The following CTNNA1 variants were observed in gnomAD, a reference collection of about 807,000 sequenced individuals.
The protein encoded by CTNNA1 is catenin alpha 1.
In CTNNA1, 37 loss-of-function variants were observed where a neutral mutation model predicts 98.4. That is an observed-to-expected ratio of 0.38 (90% confidence interval 0.29 to 0.49). The LOEUF is 0.49. Among genes scored for constraint, CTNNA1 ranks in the 20% least tolerant of loss-of-function variants. The pLI, the probability that CTNNA1 is intolerant of heterozygous loss-of-function variation, is 0.95. For synonymous variants in CTNNA1, 404 were observed against 413.2 expected (o/e 0.98, Z 0.27); for missense variants, 761 against 1,147.2 (o/e 0.66, Z 4.86).
intron 7 of CTNNA1, among the ~76,000 whole-genome samples, chr5:138,856,420 C>CA (rs1428872724): frequency 6.6e-6 from 1 of 152,016 alleles, no homozygotes; most frequent in Non-Finnish European, 1.5e-5. Context: ...CATAGCTTAC[C>CA]AAAGTTTTAA....
At chr5:138,786,367 T>A (rs923602198) in intron 3 of CTNNA1, among the ~76,000 whole-genome samples, 1 of 152,224 alleles carries the variant, frequency 6.6e-6, no homozygotes, top group African/African-American at 2.4e-5. Context: ...TACAAAAATA[T>A]GAAGCACAGA....
In CTNNA1 at chr5:138,770,671, C is replaced by T. The variant is rs71596588; in HGVS notation, c.-2-11252C>T. Among the ~76,000 whole-genome samples the T allele has an allele frequency of 5.9e-3, 900 of 152,230 alleles. 13 individuals are homozygous for T. Among genetic ancestry groups the T allele is most frequent in the South Asian group, 0.026 (124 of 4,808 alleles). On this transcript the variant is annotated intron_variant, in intron 1 of 17. Transcript: ENST00000302763. ...AGATGTTGTCAAGACAGAAAGACCTCGCCGGGCGCGGTGGCTCATGCCTTT... is the reference window on the plus strand; with the variant it reads ...AGATGTTGTCAAGACAGAAAGACCTTGCCGGGCGCGGTGGCTCATGCCTTT...
chr5:138,887,342 C>T (rs1222993383), intron 8 of CTNNA1, 148 bp from the exon 9 acceptor site: 2 of 543,804 alleles, frequency 3.7e-6, no homozygotes, highest in Admixed American at 7.4e-5. Flanking sequence ...GATTATGTAA[C>T]TGCATGGCTT....
intron 7 of CTNNA1, 85 bp downstream of exon 7, chr5:138,827,803 A>G (rs973372180): frequency 6.0e-6 from 9 of 1,511,854 alleles, no homozygotes; most frequent in African/African-American, 2.7e-5. Context: ...TGTTTTCACT[A>G]TAAATACCAA....
chr5:138,801,830 A>G (rs529760629), intron 3 of CTNNA1, among the ~76,000 whole-genome samples: 1 of 152,332 alleles, frequency 6.6e-6, no homozygotes, highest in South Asian at 2.1e-4. Flanking sequence ...TTGAAATTTG[A>G]TTAGAATATA....
At chr5:138,903,984 C>T (rs1236684918) in intron 9 of CTNNA1, among the ~76,000 whole-genome samples, 1 of 152,222 alleles carries the variant, frequency 6.6e-6, no homozygotes, top group African/African-American at 2.4e-5. Flanking sequence ...AACAACAGTT[C>T]TTTCCTGATG....
chr5:138,861,577 C>T (rs530817102), intron 7 of CTNNA1, among the ~76,000 whole-genome samples: 1 of 152,254 alleles, frequency 6.6e-6, no homozygotes, highest in South Asian at 2.1e-4. Context: ...ATTCACATTC[C>T]CCACTCCCAA....
Position 138,874,809 on chromosome 5 carries a change from T to C in CTNNA1, c.1063-11403T>C. The C allele has an allele frequency of 8.2e-7, 1 of 1,212,730 alleles. No individual in the cohort carries two copies. 75.1% of individuals were successfully genotyped at this position (1,212,730 alleles called of 1,614,324 possible). A position where few individuals can be genotyped will look rare whatever the true frequency, so the allele number is the denominator to read the frequency against. ...TTTACCTAAACCTCAAAATCCAAAATATGATGGTGATTTCCCTCATAAAAT... is the reference window on the plus strand; with the variant it reads ...TTTACCTAAACCTCAAAATCCAAAACATGATGGTGATTTCCCTCATAAAAT... On this transcript the variant is annotated intron_variant, in intron 7 of 17. Coordinates refer to ENST00000302763, the MANE Select transcript of CTNNA1 (RefSeq NM_001903.5). This position sits in a 1 kb window ranked among gnomAD's most constrained non-coding sequence, Gnocchi z 4.1.
chr5:138,773,010 T>A (rs1753717199), intron 1 of CTNNA1, among the ~76,000 whole-genome samples: 1 of 152,260 alleles, frequency 6.6e-6, no homozygotes, highest in Admixed American at 6.5e-5. Flanking sequence ...AAAGGTGAAG[T>A]GACTTAATCA....
chr5:138,870,518 C>G (rs1765242109), intron 7 of CTNNA1: 1 of 152,136 alleles, frequency 6.6e-6, no homozygotes, highest in African/African-American at 2.4e-5. Flanking sequence ...GCTGGCTTTT[C>G]CAATTTGCTT....
At chr5:138,846,422 A>G (rs949756064) in intron 7 of CTNNA1, among the ~76,000 whole-genome samples, 7 of 152,224 alleles carry the variant, frequency 4.6e-5, no homozygotes, top group Admixed American at 1.3e-4. Flanking sequence ...TAATTATCTT[A>G]TATATTTGTA....
chr5:138,778,226 A>C (rs1174915668), intron 1 of CTNNA1, among the ~76,000 whole-genome samples: 3 of 151,596 alleles, frequency 2.0e-5, no homozygotes, highest in African/African-American at 7.3e-5. Context: ...GATCTCCTGA[A>C]CTCGTGATCC....
chr5:138,862,508 A>G (rs1362076841), intron 7 of CTNNA1, among the ~76,000 whole-genome samples: 3 of 152,188 alleles, frequency 2.0e-5, no homozygotes, highest in East Asian at 1.9e-4. Flanking sequence ...TTGTTGTCCT[A>G]TATAATTTTA....
chr5:138,931,535 A>C, intron 16 of CTNNA1: 1 of 942,208 alleles, frequency 1.1e-6, no homozygotes, highest in Non-Finnish European at 1.3e-6. Flanking sequence ...TCCTTACACA[A>C]GCCAAAGATT....
At chr5:138,790,309 T>G (rs1157651762) in intron 3 of CTNNA1, among the ~76,000 whole-genome samples, 1 of 152,256 alleles carries the variant, frequency 6.6e-6, no homozygotes, top group Non-Finnish European at 1.5e-5. Flanking sequence ...TTCCTGTGAC[T>G]TGAGGCATTT....
chr5:138,902,574 C>A (rs933014092), intron 9 of CTNNA1, among the ~76,000 whole-genome samples: 3 of 152,218 alleles, frequency 2.0e-5, no homozygotes, highest in African/African-American at 7.2e-5. Flanking sequence ...CGCCTGCCAC[C>A]ACGCCCGGCT....
At chr5:138,898,733 C>G (rs934818963) in intron 9 of CTNNA1, among the ~76,000 whole-genome samples, 1 of 152,290 alleles carries the variant, frequency 6.6e-6, no homozygotes, top group Middle Eastern at 3.4e-3. Context: ...GAAAAACATT[C>G]AGCCATTATC....
chr5:138,817,968 C>T (rs1220820394), intron 5 of CTNNA1, among the ~76,000 whole-genome samples: 1 of 151,018 alleles, frequency 6.6e-6, no homozygotes, highest in East Asian at 2.0e-4. Context: ...CTCATTGCAA[C>T]CTCCACCTCC....
chr5:138,919,559 T>A (rs1159609578), intron 11 of CTNNA1, among the ~76,000 whole-genome samples: 1 of 152,240 alleles, frequency 6.6e-6, no homozygotes, highest in East Asian at 1.9e-4. Flanking sequence ...GAAATCAAAT[T>A]CTTTTAACAG....
Sources: allele counts gnomAD v4.1 joint callset (sites outside exome capture counted in the v4.1 genomes callset), GRCh38; gene constraint gnomAD v4.1.1; non-coding constraint Gnocchi (gnomAD v3.1); transcripts MANE v1.5; gene names NCBI Gene and HGNC (gene_info 2026-07-23, HGNC 2026-07-21).